The following AP4S1 variants were observed in gnomAD, a reference collection of about 807,000 sequenced individuals.
The protein encoded by AP4S1 is AP-4 complex subunit sigma-1.
AP4S1 carries 23 observed loss-of-function variants against 19.8 expected under a neutral mutation model. The observed-to-expected ratio is 1.16, with a 90% CI of 0.84 to 1.65. The LOEUF is 1.65. AP4S1 is among the 40% of genes most tolerant of loss of function. The pLI, the probability that AP4S1 is intolerant of heterozygous loss-of-function variation, is 0.00. For synonymous variants in AP4S1, 46 were observed against 54.1 expected (o/e 0.85, Z 0.66); for missense variants, 166 against 172.8 (o/e 0.96, Z 0.22).
intron 1 of AP4S1, among the ~76,000 whole-genome samples, chr14:31,031,214 A>G (rs541501290): frequency 4.1e-4 from 62 of 152,334 alleles, no homozygotes; most frequent in Non-Finnish European, 6.5e-4. Flanking sequence ...CTGTGAGTCC[A>G]TTAAACCTCT....
intron 1 of AP4S1, among the ~76,000 whole-genome samples, chr14:31,045,964 ATTT>A (rs34459906): frequency 6.1e-5 from 8 of 130,530 alleles, no homozygotes; most frequent in Admixed American, 1.6e-4. Context: ...AAGGAGCTAG[ATTT>A]TTTTTTTTTT....
chr14:31,072,130 G>A (rs770812214), intron 3 of AP4S1, among the ~76,000 whole-genome samples: 10 of 151,602 alleles, frequency 6.6e-5, no homozygotes, highest in South Asian at 2.1e-4. Context: ...TAGTAGAGAC[G>A]AGGTTTCACT....
At chr14:31,028,397 C>G (rs992622955) in intron 1 of AP4S1, among the ~76,000 whole-genome samples, 1 of 151,878 alleles carries the variant, frequency 6.6e-6, no homozygotes, top group African/African-American at 2.4e-5. Context: ...AGGCTAGTCT[C>G]CAACTCCTGG....
chr14:31,046,949 G>A (rs1452009242), intron 1 of AP4S1, among the ~76,000 whole-genome samples: 3 of 152,044 alleles, frequency 2.0e-5, no homozygotes, highest in African/African-American at 7.2e-5. Context: ...AGTGGCTGTA[G>A]CATTTACATT....
At chr14:31,084,644 C>T (rs761359721) in intron 5 of AP4S1, 168 of 1,490,420 alleles carry the variant, frequency 1.1e-4, no homozygotes, top group African/African-American at 1.4e-4. Flanking sequence ...CCACTCCACC[C>T]GCCCGGCTGA....
intron 3 of AP4S1, among the ~76,000 whole-genome samples, chr14:31,071,889 TTTTATTTATTTATTTA>T (rs199990301): frequency 6.7e-6 from 1 of 148,278 alleles, no homozygotes; most frequent in African/African-American, 2.5e-5. Flanking sequence ...ATATTTTTAC[TTTTATTTATTTATTTA>T]TTTATTTATT....
chr14:31,035,638 C>CTT (rs59967096), intron 1 of AP4S1, among the ~76,000 whole-genome samples: 136 of 133,538 alleles, frequency 1.0e-3, no homozygotes, highest in African/African-American at 3.3e-3. Context: ...GTTTTTAGGT[C>CTT]TTTTTTTTTT....
chr14:31,042,124 C>T (rs1257180037), intron 1 of AP4S1, among the ~76,000 whole-genome samples: 1 of 152,202 alleles, frequency 6.6e-6, no homozygotes, highest in Non-Finnish European at 1.5e-5. Context: ...AGCCACCGCA[C>T]CCGGCCAACA....
chr14:31,025,656 G>T lies in AP4S1; in HGVS notation c.-203G>T. 1.7e-6 allele frequency: 1 copy of T among 586,166 alleles called. No homozygotes were observed. Among genetic ancestry groups the T allele is most frequent in the South Asian group, 2.1e-5 (1 of 48,008 alleles). 36.3% of individuals were successfully genotyped at this position (586,166 alleles called of 1,614,324 possible). On this transcript the variant is annotated 5_prime_UTR_variant, in exon 1 of 6. Coordinates refer to ENST00000542754, the MANE Select transcript of AP4S1 (RefSeq NM_001128126.3). Reference sequence around the variant, plus strand: ...AGCCCCCGCAGACGCCATACTAAAAGCCAAAATGGCTGCCCCGAGGAGGCC... The same window carrying T: ...AGCCCCCGCAGACGCCATACTAAAATCCAAAATGGCTGCCCCGAGGAGGCC...
chr14:31,041,660 G>A (rs908751464), intron 1 of AP4S1, among the ~76,000 whole-genome samples: 1 of 152,040 alleles, frequency 6.6e-6, no homozygotes, highest in South Asian at 2.1e-4. Flanking sequence ...TTAAGATATT[G>A]GATATTCTTA....
chr14:31,084,969 G>A, intron 5 of AP4S1: 1 of 1,591,466 alleles, frequency 6.3e-7, no homozygotes, highest in Non-Finnish European at 8.6e-7. Flanking sequence ...CTCTACGCGT[G>A]AAGGTACAGA....
chr14:31,067,766 G>C (rs1886802995), intron 2 of AP4S1, among the ~76,000 whole-genome samples: 5 of 151,960 alleles, frequency 3.3e-5, no homozygotes, highest in African/African-American at 1.2e-4. Flanking sequence ...TGATCTGCCT[G>C]CCTCGGCCTC....
At chr14:31,041,730 G>C (rs1157406478) in intron 1 of AP4S1, among the ~76,000 whole-genome samples, 1 of 152,232 alleles carries the variant, frequency 6.6e-6, no homozygotes, top group Non-Finnish European at 1.5e-5. Flanking sequence ...CACTTGTGTG[G>C]CTAATTTAGA....
chr14:31,051,516 CA>C (rs150427275), intron 1 of AP4S1, among the ~76,000 whole-genome samples: 1 of 152,010 alleles, frequency 6.6e-6, no homozygotes, highest in African/African-American at 2.4e-5. Context: ...ACTAAAAATA[CA>C]AAAAAATACA....
intron 5 of AP4S1, among the ~76,000 whole-genome samples, chr14:31,082,602 C>T (rs1566544873): frequency 6.6e-6 from 1 of 152,146 alleles, no homozygotes; most frequent in African/African-American, 2.4e-5. Flanking sequence ...AGAATTAAGA[C>T]TAGAAGAGCT....
intron 1 of AP4S1, among the ~76,000 whole-genome samples, chr14:31,047,538 C>T (rs1885485860): frequency 6.6e-6 from 1 of 151,810 alleles, no homozygotes; most frequent in Admixed American, 6.6e-5. Flanking sequence ...CATACAGGCG[C>T]CCGCCACAAT....
intron 1 of AP4S1, among the ~76,000 whole-genome samples, chr14:31,034,752 G>C (rs1307596499): frequency 6.6e-6 from 1 of 150,932 alleles, no homozygotes; most frequent in African/African-American, 2.4e-5. Context: ...CAAGTAGCTG[G>C]GATTACAGGC....
chr14:31,062,043 A>G (rs1391167734), intron 1 of AP4S1, among the ~76,000 whole-genome samples: 3 of 152,170 alleles, frequency 2.0e-5, no homozygotes, highest in South Asian at 4.1e-4. Flanking sequence ...AATGTTTTGT[A>G]TATAGCAAAT....
At chr14:31,072,471 A>G (rs1195201427) in intron 3 of AP4S1, among the ~76,000 whole-genome samples, 1 of 152,148 alleles carries the variant, frequency 6.6e-6, no homozygotes, top group East Asian at 1.9e-4. Context: ...CCTGGGGTCA[A>G]GCCATCCTCC....
Sources: gnomAD v4.1 joint callset for allele counts (sites outside exome capture counted in the v4.1 genomes callset) on GRCh38, gnomAD v4.1.1 for gene constraint, MANE v1.5 for transcripts, NCBI Gene and HGNC (gene_info 2026-07-23, HGNC 2026-07-21) for gene names.